The following ZNF469 variants were observed in gnomAD, a reference collection of about 807,000 sequenced individuals.
The protein encoded by ZNF469 is zinc finger protein 469.
Under a neutral mutation model 1.0 loss-of-function variants are expected in ZNF469, and 1 was observed. The observed-to-expected ratio is 1.00, with a 90% CI of 0.35 to 4.73. ZNF469 has a LOEUF of 4.73. Among genes scored for constraint, ZNF469 ranks in the 30% most tolerant of loss-of-function variants. ZNF469 has a pLI of 0.16. For synonymous variants in ZNF469, 2,703 were observed against 2,363.4 expected, an observed-to-expected ratio of 1.14 and a Z score of -4.17; for missense variants, 6,100 against 5,356.3, an observed-to-expected ratio of 1.14 and a Z score of -4.33.
At chr16:88,357,937 A>G in the ZNF469 span, among the ~76,000 whole-genome samples, 1 of 152,206 alleles carries the variant, frequency 6.6e-6, no homozygotes. Flanking sequence ...CGCCTTCCAC[A>G]CCCGCAGTAC....
rs948990773 is a variant in ZNF469, at chr16:88,431,425, C to T, written c.3955C>T (p.Pro1319Ser). 1.0e-5 allele frequency: 16 copies of T among 1,550,242 alleles called. No individual in the cohort carries two copies. Among genetic ancestry groups the T allele is most frequent in the Middle Eastern group, 3.3e-4 (2 of 6,014 alleles). Residue 1319 changes from proline to serine, a missense_variant, in exon 3 of 3, where the codon CCC (proline) becomes TCC (serine). Coordinates refer to ENST00000565624, the MANE Select transcript of ZNF469 (RefSeq NM_001367624.2). ...QAPVSHNSKD[P>S]PARQPGEFLA... ...CCCAGTCTCCCACAACAGCAAGGACCCCCCTGCCCGCCAGCCTGGAGAATT... is the reference window on the plus strand; with the variant it reads ...CCCAGTCTCCCACAACAGCAAGGACTCCCCTGCCCGCCAGCCTGGAGAATT...
chr16:88,401,727 AT>A (rs1904874296), intron 1 of ZNF469, among the ~76,000 whole-genome samples: 1 of 137,420 alleles, frequency 7.3e-6, no homozygotes, highest in Admixed American at 7.2e-5. Context: ...GGATGGGTGG[AT>A]GGGTGGATGG....
intron 2 of ZNF469, among the ~76,000 whole-genome samples, chr16:88,425,606 C>T (rs1905666514): frequency 6.6e-6 from 1 of 152,212 alleles, no homozygotes; most frequent in African/African-American, 2.4e-5. Context: ...TTCAGGGCGA[C>T]AATCACAGAT....
chr16:88,152,988 C>G, the ZNF469 span, among the ~76,000 whole-genome samples: 1 of 152,212 alleles, frequency 6.6e-6, no homozygotes, highest in African/African-American at 2.4e-5. The surrounding 1 kb of genome is among the most constrained non-coding windows in gnomAD (Gnocchi z 4.2). Context: ...CCCCCAGCAC[C>G]GTGGCTCCGG....
the ZNF469 span, among the ~76,000 whole-genome samples, chr16:88,227,000 C>T: frequency 6.6e-6 from 1 of 150,970 alleles, no homozygotes; most frequent in Non-Finnish European, 1.5e-5. Flanking sequence ...CGTTTCCACC[C>T]GTGCCTCCTC....
the ZNF469 span, among the ~76,000 whole-genome samples, chr16:88,340,410 C>T: frequency 6.6e-6 from 1 of 152,198 alleles, no homozygotes; most frequent in African/African-American, 2.4e-5. Flanking sequence ...GAACAGGTGT[C>T]ATGGGCCAGG....
rs568379728 is a variant in ZNF469 at position 88,435,730 on chromosome 16, G to C, written c.8260G>C (p.Gly2754Arg). The change falls in exon 3 of 3, where the codon GGG becomes CGG. Residue 2754 changes from glycine to arginine, a missense_variant. Physicochemically the swap from Gly to Arg is moderately radical, Grantham distance 125. Transcript: ENST00000565624. ...PTGQKGASAR[G>R]FWGPRETKAL... The stretch of plus-strand genomic sequence containing the variant: ...TGGGCAGAAGGGAGCCTCGGCAAGG[G>C]GGTTCTGGGGACCAAGAGAGACCAA... The C allele has an allele frequency of 6.4e-7, 1 of 1,550,870 alleles. No homozygotes were observed. Among genetic ancestry groups the C allele is most frequent in the Non-Finnish European group, 8.7e-7 (1 of 1,147,000 alleles).
At chr16:88,111,910 C>T in the ZNF469 span, among the ~76,000 whole-genome samples, 2 of 152,220 alleles carry the variant, frequency 1.3e-5, no homozygotes, top group Admixed American at 6.5e-5. Context: ...GCTGGGATTA[C>T]AGGTGTGAGC....
chr16:88,421,660 G>A (rs1387094616), intron 1 of ZNF469, among the ~76,000 whole-genome samples: 1 of 152,218 alleles, frequency 6.6e-6, no homozygotes, highest in Non-Finnish European at 1.5e-5. Flanking sequence ...GCAGAGGCAG[G>A]GCCACCCCAG....
chr16:88,243,461 AT>A, the ZNF469 span, among the ~76,000 whole-genome samples: 2 of 152,220 alleles, frequency 1.3e-5, no homozygotes, highest in East Asian at 3.9e-4. Context: ...TTGTGTTCAC[AT>A]TTGGCACTTG....
In ZNF469 at chr16:88,430,086, G is replaced by A; in HGVS notation, c.2616G>A (p.Glu872=). The change falls in exon 3 of 3, where the codon GAG becomes GAA. Residue 872 remains glutamate (E), a synonymous_variant. Transcript: ENST00000565624. ...SSFIDVFADE[E]PSGPRGPSSG... The stretch of plus-strand genomic sequence containing the variant: ...TCATCGACGTCTTCGCGGACGAGGA[G>A]CCTTCCGGCCCCAGAGGTCCCAGCT... 1.9e-6 allele frequency: 3 copies of A among 1,550,194 alleles called. No homozygotes were observed. Among genetic ancestry groups the A allele is most frequent in the South Asian group, 1.2e-5 (1 of 84,066 alleles).
the ZNF469 span, among the ~76,000 whole-genome samples, chr16:88,241,355 T>C: frequency 1.6e-5 from 2 of 125,858 alleles, no homozygotes; most frequent in African/African-American, 7.9e-5. This position sits in a 1 kb window ranked among gnomAD's most constrained non-coding sequence, Gnocchi z 4.8. Context: ...TGAGACTCCC[T>C]CTAAAAAAAA....
chr16:88,161,441 T>C, the ZNF469 span, among the ~76,000 whole-genome samples: 1 of 152,086 alleles, frequency 6.6e-6, no homozygotes, highest in African/African-American at 2.4e-5. Context: ...AGGTGCAGAG[T>C]GACTAGACCA....
upstream of ZNF469, among the ~76,000 whole-genome samples, chr16:88,381,063 C>T (rs998090903): frequency 1.3e-5 from 2 of 149,812 alleles, no homozygotes; most frequent in African/African-American, 2.5e-5. Flanking sequence ...CACGCTCTCA[C>T]ACACAGGCAT....
At chr16:88,329,534 C>T in the ZNF469 span, among the ~76,000 whole-genome samples, 1 of 152,134 alleles carries the variant, frequency 6.6e-6, no homozygotes, top group East Asian at 1.9e-4. Context: ...GTGGGAGCTC[C>T]CCAGATTCCC....
chr16:88,144,512 T>C, the ZNF469 span, among the ~76,000 whole-genome samples: 1 of 152,180 alleles, frequency 6.6e-6, no homozygotes, highest in Non-Finnish European at 1.5e-5. Context: ...CATTTAAAGA[T>C]TTTTCTTGCT....
the ZNF469 span, among the ~76,000 whole-genome samples, chr16:88,288,028 G>A: frequency 6.6e-6 from 1 of 151,994 alleles, no homozygotes; most frequent in Non-Finnish European, 1.5e-5. Flanking sequence ...CTCCTCCCAA[G>A]ACTTTCAAAC....
At chr16:88,225,134 T>C in the ZNF469 span, among the ~76,000 whole-genome samples, 1 of 152,242 alleles carries the variant, frequency 6.6e-6, no homozygotes, top group Non-Finnish European at 1.5e-5. Flanking sequence ...TCTCAGCAGT[T>C]TGGACTCTGC....
intron 1 of ZNF469, among the ~76,000 whole-genome samples, chr16:88,416,969 G>A (rs773414095): frequency 4.6e-5 from 7 of 152,248 alleles, no homozygotes; most frequent in Admixed American, 6.5e-5. Context: ...CACTCAGGGC[G>A]TCCTCCTGGG....
Sources: allele counts gnomAD v4.1 joint callset (sites outside exome capture counted in the v4.1 genomes callset), GRCh38; gene constraint gnomAD v4.1.1; non-coding constraint Gnocchi (gnomAD v3.1); transcripts MANE v1.5; gene names NCBI Gene and HGNC (gene_info 2026-07-23, HGNC 2026-07-21).